Variants in GABRA3 observed in about 807,000 individuals in gnomAD.
The protein encoded by GABRA3 is gamma-aminobutyric acid receptor subunit alpha-3.
A neutral mutation model predicts 30.1 loss-of-function variants in GABRA3; 10 were observed. The observed-to-expected ratio is 0.33, with a 90% CI of 0.20 to 0.56. The LOEUF is 0.56. Among genes scored for constraint, GABRA3 ranks in the 20% least tolerant of loss-of-function variants. The pLI is 0.89. For synonymous variants in GABRA3, 151 were observed against 146.8 expected (o/e 1.03, Z -0.21); for missense variants, 233 against 392.0 (o/e 0.59, Z 3.42).
chrX:152,218,607 C>G (rs1569359115), intron 6 of GABRA3, among the ~76,000 whole-genome samples: 1 of 111,075 alleles, frequency 9.0e-6, no homozygotes, highest in Non-Finnish European at 1.9e-5. Flanking sequence ...CTCTTCAGTT[C>G]TATCAGTGTT....
chrX:152,278,583 T>C (rs1401745328), intron 4 of GABRA3, among the ~76,000 whole-genome samples: 1 of 111,750 alleles, frequency 8.9e-6, no homozygotes, highest in Non-Finnish European at 1.9e-5. Context: ...TGTGCATGTG[T>C]CTTTATAGCA....
At chrX:152,413,562 A>AT (rs1024891035) in intron 1 of GABRA3, among the ~76,000 whole-genome samples, 1 of 111,695 alleles carries the variant, frequency 9.0e-6, no homozygotes, top group Non-Finnish European at 1.9e-5. Flanking sequence ...GCAAAACTAT[A>AT]TAATGCAGAA....
chrX:152,266,446 A>C (rs1646504110), intron 4 of GABRA3, among the ~76,000 whole-genome samples: 1 of 112,243 alleles, frequency 8.9e-6, no homozygotes, highest in Admixed American at 9.5e-5. Flanking sequence ...TCATCATAAA[A>C]ACCCACAAAC....
intron 9 of GABRA3, among the ~76,000 whole-genome samples, chrX:152,178,276 G>T (rs1366181753): frequency 9.0e-6 from 1 of 110,800 alleles, no homozygotes; most frequent in Non-Finnish European, 1.9e-5. Context: ...GCGTGTGTGT[G>T]TGTGTGTGTT....
chrX:152,401,525 G>A (rs1929796480), intron 1 of GABRA3, among the ~76,000 whole-genome samples: 1 of 111,254 alleles, frequency 9.0e-6, no homozygotes, highest in Admixed American at 9.6e-5. Context: ...ACACAAAGAG[G>A]TTTTTACTTG....
rs749215873 is a variant in GABRA3 at position 152,259,883 on chromosome X, T to C, written c.331-3885A>G. On this transcript the variant is annotated intron_variant, in intron 4 of 9. Coordinates refer to ENST00000370314, the MANE Select transcript of GABRA3 (RefSeq NM_000808.4). ...GGAAAAGTAAATGGGATTTTTTTAT[T>C]CAATCTTCGGTACGAGCTTGGCTTC... Among the ~76,000 whole-genome samples the C allele has an allele frequency of 3.0e-4, 33 of 110,085 alleles. 1 individual carries two copies. In the South Asian group the frequency reaches 0.013, roughly 43 times the overall value.
intron 9 of GABRA3, among the ~76,000 whole-genome samples, chrX:152,171,714 T>C (rs1027118245): frequency 2.7e-5 from 3 of 111,882 alleles, no homozygotes; most frequent in African/African-American, 9.7e-5. Flanking sequence ...AGTCTTGACC[T>C]TTGCTGCATA....
rs759261432 is a variant in GABRA3, at chrX:152,325,935, C to T, written c.262+19646G>A. Among the ~76,000 whole-genome samples, 6 of 111,211 alleles carry T rather than the reference C, an allele frequency of 5.4e-5. No homozygotes were observed. The East Asian group carries it at 1.7e-3, about 32-fold the overall frequency. On this transcript the variant is annotated intron_variant, in intron 3 of 9. Coordinates refer to ENST00000370314, the MANE Select transcript of GABRA3 (RefSeq NM_000808.4). ...TAAAGGAGGATGTTCGAACCCATCACAAACAAGCTAAAAACCTTGAAAAAA... is the reference window on the plus strand; with the variant it reads ...TAAAGGAGGATGTTCGAACCCATCATAAACAAGCTAAAAACCTTGAAAAAA...
intron 1 of GABRA3, among the ~76,000 whole-genome samples, chrX:152,441,884 T>C (rs1281517003): frequency 9.0e-6 from 1 of 111,674 alleles, no homozygotes; most frequent in Non-Finnish European, 1.9e-5. Context: ...TCAGCAAAAT[T>C]TTGGAGAACA....
At chrX:152,346,720 CA>C (rs1406691270) in intron 2 of GABRA3, among the ~76,000 whole-genome samples, 2 of 112,015 alleles carry the variant, frequency 1.8e-5, no homozygotes, top group African/African-American at 6.5e-5. Context: ...ATACAAATGA[CA>C]AACAGGCATA....
At chrX:152,403,820 A>G (rs1299170419) in intron 1 of GABRA3, among the ~76,000 whole-genome samples, 1 of 110,939 alleles carries the variant, frequency 9.0e-6, no homozygotes, top group Non-Finnish European at 1.9e-5. Flanking sequence ...AGTATCACAG[A>G]GGTGGTGAAA....
intron 3 of GABRA3, among the ~76,000 whole-genome samples, chrX:152,303,602 C>G (rs927193187): frequency 8.9e-6 from 1 of 111,878 alleles, no homozygotes; most frequent in African/African-American, 3.2e-5. Flanking sequence ...GAAAATGTGG[C>G]ACATATACCC....
chrX:152,280,352 A>G lies in GABRA3; in HGVS notation c.330+4316T>C, dbSNP rs193284665. 8.1e-5 allele frequency among the ~76,000 whole-genome samples: 9 copies of G among 111,668 alleles called. No individual in the cohort carries two copies. The East Asian group carries it at 2.6e-3, about 32-fold the overall frequency. The stretch of plus-strand genomic sequence containing the variant: ...AATAAATTGACAGCCTAAAATAGAC[A>G]AAGGTTCTCATCCAGTCTGTGCCTC... On this transcript the variant is annotated intron_variant, in intron 4 of 9. Coordinates refer to ENST00000370314, the MANE Select transcript of GABRA3 (RefSeq NM_000808.4).
intron 3 of GABRA3, among the ~76,000 whole-genome samples, chrX:152,295,189 G>A (rs1413966661): frequency 8.9e-6 from 1 of 112,259 alleles, no homozygotes; most frequent in Admixed American, 9.4e-5. Context: ...TCCATTCTCC[G>A]AGCTCAAACA....
intron 9 of GABRA3, among the ~76,000 whole-genome samples, chrX:152,189,068 G>C (rs1173738432): frequency 8.9e-6 from 1 of 112,123 alleles, no homozygotes; most frequent in East Asian, 2.8e-4. Flanking sequence ...CAAGGATGTT[G>C]GCTAGCTAGA....
chrX:152,428,723 T>C (rs1195454449), intron 1 of GABRA3, among the ~76,000 whole-genome samples: 2 of 111,480 alleles, frequency 1.8e-5, no homozygotes, highest in Non-Finnish European at 3.8e-5. Context: ...AGTTCTAAAA[T>C]TGAGTATTTA....
At chrX:152,288,800 A>G (rs1449046180) in intron 3 of GABRA3, among the ~76,000 whole-genome samples, 1 of 112,294 alleles carries the variant, frequency 8.9e-6, no homozygotes, top group Non-Finnish European at 1.9e-5. Context: ...AGTAGAAGAT[A>G]AGAAGGGATT....
intron 1 of GABRA3, among the ~76,000 whole-genome samples, chrX:152,387,340 A>G (rs1330426151): frequency 8.9e-6 from 1 of 111,880 alleles, no homozygotes; most frequent in Non-Finnish European, 1.9e-5. Flanking sequence ...TTCCATTCAT[A>G]TAAAGTTCAA....
intron 6 of GABRA3, among the ~76,000 whole-genome samples, chrX:152,212,992 C>T (rs1292757218): frequency 9.0e-6 from 1 of 111,014 alleles, no homozygotes; most frequent in Non-Finnish European, 1.9e-5. Flanking sequence ...GGACTGGTTC[C>T]TGAAGAAAGG....
Sources: allele counts gnomAD v4.1 joint callset (sites outside exome capture counted in the v4.1 genomes callset), GRCh38; gene constraint gnomAD v4.1.1; transcripts MANE v1.5; gene names NCBI Gene and HGNC (gene_info 2026-07-23, HGNC 2026-07-21).